LRRK1: variants seen among roughly 807,000 people sequenced by gnomAD.
LRRK1 encodes leucine rich repeat kinase 1.
In LRRK1, 113 loss-of-function variants were observed where a neutral mutation model predicts 209.1. The ratio of observed to expected loss-of-function variants is 0.54; its 90% CI spans 0.46 to 0.63. The LOEUF (loss-of-function observed/expected upper bound fraction) is 0.63, where lower values mean the gene tolerates loss of function less well. Among genes scored for constraint, LRRK1 ranks in the 30% least tolerant of loss-of-function variants. LRRK1 has a pLI of 0.00. For missense variants in LRRK1, 2,284 were observed against 2,632.2 expected (o/e 0.87, Z 2.89); for synonymous variants, 1,144 against 1,099.7 (o/e 1.04, Z -0.80).
chr15:101,047,371 T>C (rs2035142236), intron 21 of LRRK1, among the ~76,000 whole-genome samples: 1 of 152,184 alleles, frequency 6.6e-6, no homozygotes, highest in Non-Finnish European at 1.5e-5. Context: ...GCGCTGGTGC[T>C]CCTACGTTCC....
At chr15:100,985,931 G>C (rs1029530820) in intron 4 of LRRK1, among the ~76,000 whole-genome samples, 12 of 152,164 alleles carry the variant, frequency 7.9e-5, no homozygotes, top group South Asian at 2.1e-4. Context: ...GGACATGCTG[G>C]CTCATGCCTG....
chr15:100,934,245 G>A (rs184909437), intron 2 of LRRK1, among the ~76,000 whole-genome samples: 1 of 152,138 alleles, frequency 6.6e-6, no homozygotes, highest in Non-Finnish European at 1.5e-5. Context: ...AGGATACTAA[G>A]TCAGTGAAAA....
At chr15:101,050,805 G>C (rs534259801) in intron 23 of LRRK1, 1 of 152,626 alleles carries the variant, frequency 6.6e-6, no homozygotes, top group Admixed American at 6.5e-5. Context: ...GCTTAGAAAG[G>C]AGCCCTCGGA....
intron 2 of LRRK1, among the ~76,000 whole-genome samples, chr15:100,959,045 A>T (rs1470254155): frequency 6.6e-6 from 1 of 152,206 alleles, no homozygotes; most frequent in Non-Finnish European, 1.5e-5. Flanking sequence ...TGAAGTGACC[A>T]GACCTTAGGG....
At chr15:100,922,986 T>C (rs2042046346) in intron 1 of LRRK1, among the ~76,000 whole-genome samples, 1 of 152,202 alleles carries the variant, frequency 6.6e-6, no homozygotes. Context: ...TCCTGTACCT[T>C]ACTTCGTGCC....
rs1438369630 is a variant in LRRK1, at chr15:100,924,660, A to G, written c.28A>G (p.Ser10Gly). MAGMSQRPP[S>G]MYWCVGPEES... ...GGCTGGCATGTCGCAAAGACCCCCC[A>G]GCATGTACTGGTGTGTGGGGCCGGA... Residue 10 changes from serine (S) to glycine (G), a missense_variant, in exon 2 of 34, where the codon AGC becomes GGC. Coordinates refer to ENST00000388948, the MANE Select transcript of LRRK1 (RefSeq NM_024652.6). 19 of 1,614,132 alleles carry G rather than the reference A, an allele frequency of 1.2e-5. No homozygotes were observed. The highest frequency in any genetic ancestry group is 1.6e-5 in the Non-Finnish European group (19 of 1,180,020).
intron 29 of LRRK1, among the ~76,000 whole-genome samples, chr15:101,058,828 C>G (rs1051250335): frequency 6.6e-6 from 1 of 151,596 alleles, no homozygotes; most frequent in African/African-American, 2.4e-5. Flanking sequence ...GTGGGATGAG[C>G]CGAAAAACTA....
chr15:101,011,888 C>T, intron 9 of LRRK1, 120 bp from the exon 10 acceptor site: 1 of 729,336 alleles, frequency 1.4e-6, no homozygotes. Context: ...CAGTCATCTT[C>T]ATTACAGGAC....
chr15:100,974,099 T>C, intron 3 of LRRK1, 132 bp downstream of exon 3: 1 of 754,696 alleles, frequency 1.3e-6, no homozygotes, highest in Non-Finnish European at 1.8e-6. Context: ...CGCCTCGCTT[T>C]GCGTATAAAC....
intron 2 of LRRK1, among the ~76,000 whole-genome samples, chr15:100,934,100 T>C (rs1419370563): frequency 1.3e-5 from 2 of 152,296 alleles, no homozygotes; most frequent in African/African-American, 4.8e-5. Context: ...CAAAATCATG[T>C]ATTGAAACCA....
Position 101,065,667 on chromosome 15 carries a change from G to A in LRRK1, c.5230G>A (p.Glu1744Lys), listed in dbSNP as rs751124500. The change falls in exon 32 of 34, where the codon GAG becomes AAG. Residue 1744 changes from glutamate to lysine, a missense_variant. By Grantham distance (56) the Glu-to-Lys change is moderately conservative. Transcript: ENST00000388948. The stretch of plus-strand genomic sequence containing the variant: ...GGTTACGTCAGTCGTGTGCAGCTCT[G>A]AGGGCAGAGGGGAGGAGGTCGTCTG... The part of the protein sequence containing the change: ...SMVTSVVCSS[E>K]GRGEEVVWCL... 6.2e-7 allele frequency: 1 copy of A among 1,614,152 alleles called. No homozygotes were observed. The highest frequency in any genetic ancestry group is 2.2e-5 in the East Asian group (1 of 44,886).
intron 6 of LRRK1, among the ~76,000 whole-genome samples, chr15:101,008,475 T>C (rs1486261885): frequency 6.6e-6 from 1 of 152,154 alleles, no homozygotes; most frequent in African/African-American, 2.4e-5. Context: ...GGGAGGCGCC[T>C]GGACGCTTCA....
chr15:101,060,333 T>C (rs764787374), intron 29 of LRRK1, among the ~76,000 whole-genome samples: 11 of 151,880 alleles, frequency 7.2e-5, no homozygotes, highest in Non-Finnish European at 1.2e-4. Flanking sequence ...TATTTTTAAC[T>C]GTTTGTTTTC....
chr15:101,051,005 G>A (rs2035397816), intron 23 of LRRK1, among the ~76,000 whole-genome samples: 1 of 152,214 alleles, frequency 6.6e-6, no homozygotes, highest in Non-Finnish European at 1.5e-5. Flanking sequence ...AAGGGCTCTG[G>A]TGAGCACCTG....
At chr15:101,037,856 AT>A (rs1364733401) in intron 20 of LRRK1, among the ~76,000 whole-genome samples, 1 of 152,228 alleles carries the variant, frequency 6.6e-6, no homozygotes, top group Non-Finnish European at 1.5e-5. Flanking sequence ...TGATCCAGCA[AT>A]CTCACTACTG....
intron 24 of LRRK1, 106 bp downstream of exon 24, chr15:101,052,066 G>A: frequency 7.4e-7 from 1 of 1,352,554 alleles, no homozygotes. Flanking sequence ...GGGCGGGCAG[G>A]TGCCCCGGCC....
At chr15:101,020,563 A>T (rs1181498380) in intron 12 of LRRK1, among the ~76,000 whole-genome samples, 1 of 151,866 alleles carries the variant, frequency 6.6e-6, no homozygotes, top group Non-Finnish European at 1.5e-5. Context: ...TTTAGTAGAG[A>T]CAGGGTTTTA....
At position 101,073,508 on chromosome 15, in the gene LRRK1, T is replaced by C. The variant is rs1023762456; in HGVS notation, c.*4660T>C. The C allele has an allele frequency of 6.6e-6, 1 of 151,964 alleles. No homozygotes were observed. The highest frequency in any genetic ancestry group is 1.5e-5 in the Non-Finnish European group (1 of 68,012). 9.4% of individuals were successfully genotyped at this position (151,964 alleles called of 1,614,324 possible). ...ACCCCCAACCCCTTCTCCTTCACCC[T>C]GAGCGGCAAGTCCCGCTTTTCTAGA... On this transcript the variant is annotated 3_prime_UTR_variant, in exon 34 of 34. Coordinates refer to ENST00000388948, the MANE Select transcript of LRRK1 (RefSeq NM_024652.6).
intron 1 of LRRK1, among the ~76,000 whole-genome samples, chr15:100,923,975 G>A (rs1375409892): frequency 6.6e-6 from 1 of 152,232 alleles, no homozygotes; most frequent in Non-Finnish European, 1.5e-5. Flanking sequence ...ATGCTAACTT[G>A]ACTTCATAAC....
Sources: gnomAD v4.1 joint callset for allele counts (sites outside exome capture counted in the v4.1 genomes callset) on GRCh38, gnomAD v4.1.1 for gene constraint, MANE v1.5 for transcripts, NCBI Gene and HGNC (gene_info 2026-07-23, HGNC 2026-07-21) for gene names.